LAMA5: variants seen among roughly 807,000 people sequenced by gnomAD.
LAMA5 encodes the protein laminin subunit alpha-5.
LAMA5 carries 260 observed loss-of-function variants against 433.4 expected under a neutral mutation model. The observed-to-expected ratio is 0.60, with a 90% CI of 0.54 to 0.66. LAMA5 has a LOEUF of 0.66. Ranked by LOEUF, LAMA5 falls within the 30% of genes least tolerant of loss-of-function variation. The pLI, the probability that LAMA5 is intolerant of heterozygous loss-of-function variation, is 0.00. For synonymous variants in LAMA5, 2,620 were observed against 2,226.6 expected, an observed-to-expected ratio of 1.18 and a Z score of -4.97; for missense variants, 5,378 against 5,258.5, an observed-to-expected ratio of 1.02 and a Z score of -0.70.
rs185334404 is a variant in LAMA5 at position 62,343,032 on chromosome 20, G to A, written c.1477+2786C>T. Among the ~76,000 whole-genome samples, 12 of 152,300 alleles carry A rather than the reference G, an allele frequency of 7.9e-5. No individual in the cohort carries two copies. The South Asian group carries it at 8.3e-4, about 11-fold the overall frequency. On this transcript the variant is annotated intron_variant, in intron 11 of 79. Transcript: ENST00000252999. Reference sequence around the variant, plus strand: ...AGATAAATTGTCAGTTTACACCAGGGATTAGCAAACTAGTCTATGGACTCC... The same window carrying A: ...AGATAAATTGTCAGTTTACACCAGGAATTAGCAAACTAGTCTATGGACTCC...
At position 62,324,470 on chromosome 20, in the gene LAMA5, G is replaced by A. The variant is rs200431325; in HGVS notation, c.5614C>T (p.Arg1872Cys). ...CAGACGCCAGAGCCAGGGAGGCAGC[G>A]GTCTGAGTGTCCATGGCACTGACAA... ...VPCQCHGHSD[R>C]CLPGSGVCVD... The change falls in exon 42 of 80, where the codon CGC becomes TGC. Residue 1872 changes from arginine (R) to cysteine (C), a missense_variant. Transcript: ENST00000252999. The surrounding 1 kb of genome is among the most constrained non-coding windows in gnomAD (Gnocchi z 4.4). 96 of 1,612,052 alleles carry A rather than the reference G, an allele frequency of 6.0e-5. No homozygotes were observed. The highest frequency in any genetic ancestry group is 2.3e-4 in the South Asian group (21 of 90,984).
intron 11 of LAMA5, among the ~76,000 whole-genome samples, chr20:62,340,710 G>T (rs1240822994): frequency 6.6e-6 from 1 of 152,094 alleles, no homozygotes; most frequent in African/African-American, 2.4e-5. Context: ...TTCTGGATTA[G>T]AAACAAAGAA....
Position 62,338,092 on chromosome 20 carries a change from G to C in LAMA5, c.1815C>G (p.Cys605Trp). The change falls in exon 14 of 80, where the codon TGC becomes TGG. Residue 605 changes from cysteine to tryptophan, a missense_variant. Transcript: ENST00000252999. ...LPEGCDEAGR[C>W]LCQPEFAGPH... is the part of the protein sequence containing the mutation. ...GTCCAGCAAACTCAGGCTGGCATAG[G>C]CAGCGGCCGGCCTCATCGCAGCCCT... 6.2e-7 allele frequency: 1 copy of C among 1,603,090 alleles called. No individual in the cohort carries two copies. Among genetic ancestry groups the C allele is most frequent in the South Asian group, 1.1e-5 (1 of 89,778 alleles).
intron 2 of LAMA5, 143 bp downstream of exon 2, chr20:62,362,257 C>G (rs1009149363): frequency 5.0e-6 from 4 of 794,598 alleles, no homozygotes; most frequent in Non-Finnish European, 7.1e-6. Context: ...GGACTCCCCC[C>G]ACCAAGTCCT....
chr20:62,314,510 A>C, intron 61 of LAMA5, 45 bp downstream of exon 61: 1 of 1,607,766 alleles, frequency 6.2e-7, no homozygotes, highest in Middle Eastern at 1.7e-4. Context: ...CTCATTTCCA[A>C]ACAGAGCCTG....
intron 2 of LAMA5, among the ~76,000 whole-genome samples, chr20:62,357,271 C>T (rs1486266807): frequency 1.3e-5 from 2 of 152,200 alleles, no homozygotes; most frequent in Non-Finnish European, 2.9e-5. Flanking sequence ...TGACTCAGCC[C>T]CCGCCCTGCA....
intron 11 of LAMA5, among the ~76,000 whole-genome samples, chr20:62,339,046 A>T (rs1982163280): frequency 6.6e-6 from 1 of 151,504 alleles, no homozygotes; most frequent in African/African-American, 2.4e-5. Context: ...CAAAAAAAAA[A>T]AAAAATTCCA....
Position 62,317,389 on chromosome 20 carries a change from C to T in LAMA5, c.7467G>A (p.Glu2489=). The change falls in exon 55 of 80, where the codon GAG becomes GAA. Residue 2489 remains glutamate, a synonymous_variant. Transcript: ENST00000252999. Reference sequence around the variant, plus strand: ...GCTGGCCCAGCTGCTGTGCGTGGGCCTCGGCGGCCTCCACTAGACGCAGCT... The same window carrying T: ...GCTGGCCCAGCTGCTGTGCGTGGGCTTCGGCGGCCTCCACTAGACGCAGCT... ...GSKLRLVEAA[E]AHAQQLGQLA... The T allele has an allele frequency of 6.2e-7, 1 of 1,610,016 alleles. No individual in the cohort carries two copies. The highest frequency in any genetic ancestry group is 2.2e-5 in the East Asian group (1 of 44,830).
At chr20:62,354,865 G>T (rs1034917550) in intron 2 of LAMA5, among the ~76,000 whole-genome samples, 3 of 152,172 alleles carry the variant, frequency 2.0e-5, no homozygotes, top group Non-Finnish European at 4.4e-5. Context: ...CTCAAACAAA[G>T]GGGAAAGGGC....
chr20:62,313,334 A>G lies in LAMA5; in HGVS notation c.8785T>C (p.Cys2929Arg). ...AGGGCAGGCCACACGCACCGGGCACAAGGCCTGTCCACAGCCGTGTCCAGC... is the reference window on the plus strand; with the variant it reads ...AGGGCAGGCCACACGCACCGGGCACGAGGCCTGTCCACAGCCGTGTCCAGC... ...FQLDTAVDRPCARSKSTGDPW... is the reference protein window; with the variant it reads ...FQLDTAVDRPRARSKSTGDPW... The change falls in exon 64 of 80, where the codon TGT becomes CGT. Residue 2929 changes from cysteine to arginine, a missense_variant. Coordinates refer to ENST00000252999, the MANE Select transcript of LAMA5 (RefSeq NM_005560.6). 6.4e-7 allele frequency: 1 copy of G among 1,560,038 alleles called. No homozygotes were observed.
In LAMA5 at chr20:62,310,062, T is replaced by C. The variant is rs1986048859; in HGVS notation, c.10754A>G (p.Asp3585Gly). The C allele has an allele frequency of 1.2e-6, 2 of 1,611,084 alleles. No homozygotes were observed. The highest frequency in any genetic ancestry group is 1.7e-6 in the Non-Finnish European group (2 of 1,179,696). The stretch of plus-strand genomic sequence containing the variant: ...TGACGTGGAGAACTCCCCTGCTCCG[T>C]CATCCGCCCGCAGCAGGACCTGGCG... Reference protein sequence around the residue: ...TEKQVLLRADDGAGEFSTSVT... With the variant: ...TEKQVLLRADGGAGEFSTSVT... The change falls in exon 78 of 80, where the codon GAC becomes GGC. Residue 3585 changes from aspartate (D) to glycine (G), a missense_variant. Asp to Gly is a moderately conservative substitution (Grantham distance 94, BLOSUM62 -1). Coordinates refer to ENST00000252999, the MANE Select transcript of LAMA5 (RefSeq NM_005560.6).
At chr20:62,311,816 T>TCGCC in intron 70 of LAMA5, 32 bp from the exon 71 acceptor site, 1 of 1,521,012 alleles carries the variant, frequency 6.6e-7, no homozygotes, top group Non-Finnish European at 8.9e-7. Context: ...GCTCGGTTTT[T>TCGCC]CCCCACCCTG....
intron 70 of LAMA5, 32 bp from the exon 71 acceptor site, chr20:62,311,816 T>TGGGGCCC: frequency 4.8e-5 from 73 of 1,520,670 alleles, no homozygotes; most frequent in Non-Finnish European, 6.0e-5. Flanking sequence ...GCTCGGTTTT[T>TGGGGCCC]CCCCACCCTG....
Position 62,311,632 on chromosome 20 carries a change from C to A in LAMA5, c.9788G>T (p.Ser3263Ile). Residue 3263 changes from serine to isoleucine, a missense_variant, in exon 71 of 80, where the codon AGC becomes ATC. Coordinates refer to ENST00000252999, the MANE Select transcript of LAMA5 (RefSeq NM_005560.6). ...GTIYNFSGCI[S>I]NVFVQRLLGP... is the part of the protein sequence containing the mutation. ...GGCTCACCGCTGCACGAAGACGTTG[C>A]TGATGCAGCCACTGAAGTTGTAAAT... 1 of 1,603,822 alleles carries A rather than the reference C, an allele frequency of 6.2e-7. No individual in the cohort carries two copies. The highest frequency in any genetic ancestry group is 1.3e-5 in the African/African-American group (1 of 74,910).
intron 34 of LAMA5, 101 bp from the exon 35 acceptor site, chr20:62,328,546 G>C: frequency 1.6e-6 from 2 of 1,257,804 alleles, no homozygotes; most frequent in Non-Finnish European, 2.1e-6. Context: ...TGACGGGGGC[G>C]GGGGAGACAA....
In LAMA5 at chr20:62,314,639, G is replaced by A. The variant is rs777890834; in HGVS notation, c.8283C>T (p.Ala2761=). The change falls in exon 61 of 80, where the codon GCC becomes GCT. Residue 2761 remains alanine (A), a synonymous_variant. Coordinates refer to ENST00000252999, the MANE Select transcript of LAMA5 (RefSeq NM_005560.6). ...RDLADLAAYT[A]LKFYLQGPEP... is the part of the protein sequence containing the mutation. Reference sequence around the variant, plus strand: ...CTGGGCCCTGCAGGTAGAACTTGAGGGCAGTGTAGGCAGCAAGGTCGGCAA... The same window carrying A: ...CTGGGCCCTGCAGGTAGAACTTGAGAGCAGTGTAGGCAGCAAGGTCGGCAA... 1.9e-6 allele frequency: 3 copies of A among 1,612,494 alleles called. No homozygotes were observed. Among genetic ancestry groups the A allele is most frequent in the South Asian group, 2.2e-5 (2 of 91,092 alleles).
intron 62 of LAMA5, 150 bp downstream of exon 62, chr20:62,314,154 G>A (rs1189621416): frequency 3.5e-5 from 36 of 1,035,488 alleles, no homozygotes; most frequent in Non-Finnish European, 4.5e-5. Context: ...GCACAGAGAC[G>A]AGGGGTGGCG....
rs767291672 is a variant in LAMA5, at chr20:62,333,929, C to T, written c.2850G>A (p.Glu950=). The change falls in exon 23 of 80, where the codon GAG becomes GAA. Residue 950 remains glutamate, a synonymous_variant. Coordinates refer to ENST00000252999, the MANE Select transcript of LAMA5 (RefSeq NM_005560.6). ...TGGCGCAGGTGGCCGACCTGCCCTC[C>T]TCTCGCACAGAGACCCGCCCGCTCA... is the stretch of plus-strand genomic sequence containing the variant. ...MSVSGRVSVR[E]EGRSATCANC... is the part of the protein sequence containing the mutation. 1.9e-6 allele frequency: 3 copies of T among 1,610,544 alleles called. No homozygotes were observed. Among genetic ancestry groups the T allele is most frequent in the Non-Finnish European group, 2.5e-6 (3 of 1,178,734 alleles).
At chr20:62,349,208 T>TGCAGTGAGCC (rs1568969755) in intron 6 of LAMA5, among the ~76,000 whole-genome samples, 28 of 143,332 alleles carry the variant, frequency 2.0e-4, no homozygotes, top group African/African-American at 7.0e-4. Flanking sequence ...GAGGCGGAGC[T>TGCAGTGAGCC]TGCAGTGAGC....
Sources: allele counts gnomAD v4.1 joint callset (sites outside exome capture counted in the v4.1 genomes callset), GRCh38; gene constraint gnomAD v4.1.1; non-coding constraint Gnocchi (gnomAD v3.1); transcripts MANE v1.5; gene names NCBI Gene and HGNC (gene_info 2026-07-23, HGNC 2026-07-21).